Variants in TLE2 observed in about 807,000 individuals in gnomAD.
The protein encoded by TLE2 is transducin-like enhancer protein 2.
Under a neutral mutation model 97.2 loss-of-function variants are expected in TLE2, and 74 were observed. That is an observed-to-expected ratio of 0.76 (90% confidence interval 0.63 to 0.92). TLE2 has a LOEUF of 0.92. Among genes scored for constraint, TLE2 ranks in the 40% least tolerant of loss-of-function variants. The probability of loss-of-function intolerance (pLI) is 0.00; values close to 1 mark genes in which losing one functional copy is unlikely to be tolerated. For synonymous variants in TLE2, 499 were observed against 432.1 expected (o/e 1.15, Z -1.92); for missense variants, 1,038 against 1,008.7 (o/e 1.03, Z -0.39).
Position 3,006,576 on chromosome 19 carries a change from G to A in TLE2, c.1344C>T (p.Ala448=). Residue 448 remains alanine, a synonymous_variant, in exon 15 of 20, where the codon GCC becomes GCT. Transcript: ENST00000262953. The part of the protein sequence containing the change: ...ALVGAGIPRH[A]RQLHTLAHGE... Reference sequence around the variant, plus strand: ...CATGGGCCAGCGTGTGCAGCTGCCGGGCGTGCCGCGGGATGCCCGCGCCTA... The same window carrying A: ...CATGGGCCAGCGTGTGCAGCTGCCGAGCGTGCCGCGGGATGCCCGCGCCTA... The A allele has an allele frequency of 6.2e-7, 1 of 1,604,302 alleles. No homozygotes were observed. Among genetic ancestry groups the A allele is most frequent in the African/African-American group, 1.3e-5 (1 of 74,854 alleles).
intron 8 of TLE2, among the ~76,000 whole-genome samples, chr19:3,017,324 G>T (rs895439393): frequency 6.6e-6 from 1 of 151,686 alleles, no homozygotes; most frequent in Admixed American, 6.6e-5. Flanking sequence ...TTTTAGTAGA[G>T]ACAGGGTTTT....
In TLE2 at chr19:2,997,888, G is replaced by A. The variant is rs1018870033; in HGVS notation, c.2192C>T (p.Ser731Leu). The A allele has an allele frequency of 2.5e-6, 4 of 1,612,562 alleles. No homozygotes were observed. The highest frequency in any genetic ancestry group is 1.7e-6 in the Non-Finnish European group (2 of 1,179,442). The change falls in exon 20 of 20, where the codon TCG becomes TTG. Residue 731 changes from serine (S) to leucine (L), a missense_variant. Physicochemically the swap from Ser to Leu is moderately radical, Grantham distance 145. Coordinates refer to ENST00000262953, the MANE Select transcript of TLE2 (RefSeq NM_003260.5). ...ATACACGGTGGCCTTCTTGTCCCCC[G>A]AGCCTGTCACGATGTATTTGTTATT... ...SRNNKYIVTG[S>L]GDKKATVYEV...
intron 11 of TLE2, among the ~76,000 whole-genome samples, chr19:3,013,024 G>A (rs748247560): frequency 6.6e-6 from 1 of 152,138 alleles, no homozygotes. Flanking sequence ...TCTGGCGGTT[G>A]CCATGGTAAC....
chr19:3,003,783 C>T (rs997313226), intron 17 of TLE2, among the ~76,000 whole-genome samples: 3 of 152,006 alleles, frequency 2.0e-5, no homozygotes, highest in Admixed American at 1.3e-4. Context: ...TGACCCACTG[C>T]AGCCTCAACC....
chr19:3,007,953 G>A (rs972002650), intron 14 of TLE2, among the ~76,000 whole-genome samples: 2 of 152,034 alleles, frequency 1.3e-5, no homozygotes, highest in South Asian at 2.1e-4. Context: ...GCGGTGGTCC[G>A]TGCCTGTAAT....
intron 14 of TLE2, among the ~76,000 whole-genome samples, chr19:3,007,414 TTC>T (rs1195719586): frequency 2.6e-5 from 4 of 152,090 alleles, no homozygotes; most frequent in African/African-American, 9.7e-5. Context: ...TAAAGTAATT[TTC>T]TCTGTTATTA....
chr19:3,022,195 C>T (rs991103833), intron 5 of TLE2, among the ~76,000 whole-genome samples: 6 of 151,930 alleles, frequency 3.9e-5, no homozygotes, highest in African/African-American at 1.4e-4. Context: ...ATTACAGGCA[C>T]CTGCCACCAC....
intron 10 of TLE2, among the ~76,000 whole-genome samples, chr19:3,014,334 G>C (rs1229597902): frequency 6.6e-6 from 1 of 152,112 alleles, no homozygotes; most frequent in East Asian, 1.9e-4. Context: ...GCCAGGGAAG[G>C]GGGTGTCACT....
intron 17 of TLE2, among the ~76,000 whole-genome samples, chr19:3,003,081 C>A (rs536558111): frequency 6.6e-6 from 1 of 152,224 alleles, no homozygotes; most frequent in Admixed American, 6.5e-5. Flanking sequence ...TCTTCAGCAC[C>A]CCCCTAGAGA....
rs748418604 is a variant in TLE2 at position 3,006,657 on chromosome 19, G to A, written c.1263C>T (p.Phe421=). 6.2e-7 allele frequency: 1 copy of A among 1,601,950 alleles called. No homozygotes were observed. The highest frequency in any genetic ancestry group is 8.5e-7 in the Non-Finnish European group (1 of 1,173,632). ...GCATCTGCCCGTCCGCAGACACGTG[G>A]AAGGAGTAGGCCCTGGAGAGAAAGC... ...SIPGGKPAYS[F]HVSADGQMQP... The change falls in exon 15 of 20, where the codon TTC becomes TTT. Residue 421 remains phenylalanine (F), a synonymous_variant. Coordinates refer to ENST00000262953, the MANE Select transcript of TLE2 (RefSeq NM_003260.5).
intron 14 of TLE2, among the ~76,000 whole-genome samples, 177 bp from the exon 15 acceptor site, chr19:3,006,846 G>C (rs750479901): frequency 5.9e-5 from 9 of 152,156 alleles, no homozygotes; most frequent in Non-Finnish European, 8.8e-5. Context: ...GCAGTGGCCC[G>C]ATCTCAGCTC....
chr19:2,998,103 T>C (rs953845395), intron 19 of TLE2, 148 bp from the exon 20 acceptor site: 2 of 629,118 alleles, frequency 3.2e-6, no homozygotes, highest in African/African-American at 3.6e-5. Flanking sequence ...GGAGTTTTGT[T>C]CTTGTCGCCC....
chr19:3,047,047 C>T (rs1460712711), upstream of TLE2, among the ~76,000 whole-genome samples: 51 of 57,070 alleles, frequency 8.9e-4, no homozygotes, highest in Non-Finnish European at 1.6e-3. Context: ...CCACGCCCCT[C>T]CCTCTCCCTC....
intron 1 of TLE2, among the ~76,000 whole-genome samples, chr19:3,037,157 C>G: frequency 6.6e-6 from 1 of 152,116 alleles, no homozygotes; most frequent in East Asian, 1.9e-4. Context: ...TGGTGGCACG[C>G]TCCTGTAGTC....
chr19:3,019,172 A>G lies in TLE2; in HGVS notation c.550+111T>C. 4.2e-6 allele frequency: 6 copies of G among 1,430,720 alleles called. No individual in the cohort carries two copies. The highest frequency in any genetic ancestry group is 5.6e-6 in the Non-Finnish European group (6 of 1,068,664). 88.6% of individuals were successfully genotyped at this position (1,430,720 alleles called of 1,614,324 possible). ...CTCGGCCTCCCAAATTGTTGGGATTATAGGCATGAGCCACTTCATCCCCTC... is the reference window on the plus strand; with the variant it reads ...CTCGGCCTCCCAAATTGTTGGGATTGTAGGCATGAGCCACTTCATCCCCTC... On this transcript the variant is annotated intron_variant, in intron 7 of 19. Coordinates refer to ENST00000262953, the MANE Select transcript of TLE2 (RefSeq NM_003260.5). This position sits in a 1 kb window ranked among gnomAD's most constrained non-coding sequence, Gnocchi z 5.1.
chr19:3,027,271 A>G (rs1342836274), intron 4 of TLE2, among the ~76,000 whole-genome samples: 1 of 152,266 alleles, frequency 6.6e-6, no homozygotes, highest in African/African-American at 2.4e-5. Context: ...AGACAGCCAC[A>G]GAGTTTTGAG....
In TLE2 at chr19:2,997,894, G is replaced by A; in HGVS notation, c.2186C>T (p.Thr729Ile). ...GGTGGCCTTCTTGTCCCCCGAGCCT[G>A]TCACGATGTATTTGTTATTTCTGGA... ...DISRNNKYIVTGSGDKKATVY... is the reference protein window; with the variant it reads ...DISRNNKYIVIGSGDKKATVY... The change falls in exon 20 of 20, where the codon ACA becomes ATA. Residue 729 changes from threonine (T) to isoleucine (I), a missense_variant. Thr to Ile is a moderately conservative substitution (Grantham distance 89). Transcript: ENST00000262953. 2 of 1,613,108 alleles carry A rather than the reference G, an allele frequency of 1.2e-6. No homozygotes were observed. The highest frequency in any genetic ancestry group is 1.7e-6 in the Non-Finnish European group (2 of 1,179,602).
intron 17 of TLE2, among the ~76,000 whole-genome samples, chr19:3,003,704 G>T (rs931590083): frequency 6.9e-6 from 1 of 145,922 alleles, no homozygotes; most frequent in Admixed American, 7.2e-5. Context: ...CTCTTAGCTT[G>T]GAATGTTCCT....
intron 1 of TLE2, among the ~76,000 whole-genome samples, chr19:3,038,970 G>A (rs1020051803): frequency 2.0e-5 from 3 of 151,956 alleles, no homozygotes; most frequent in African/African-American, 7.3e-5. Context: ...TTGAACCCGG[G>A]AGGCGGAGGT....
Sources: gnomAD v4.1 joint callset for allele counts (sites outside exome capture counted in the v4.1 genomes callset) on GRCh38, gnomAD v4.1.1 for gene constraint, Gnocchi (gnomAD v3.1) non-coding constraint, MANE v1.5 for transcripts, NCBI Gene and HGNC (gene_info 2026-07-23, HGNC 2026-07-21) for gene names.